ADGRL2: variants seen among roughly 807,000 people sequenced by gnomAD.
The protein encoded by ADGRL2 is adhesion G protein-coupled receptor L2.
Under a neutral mutation model 157.4 loss-of-function variants are expected in ADGRL2, and 44 were observed. The observed-to-expected ratio is 0.28, with a 90% CI of 0.22 to 0.36. The LOEUF (loss-of-function observed/expected upper bound fraction) is 0.36. Ranked by LOEUF, ADGRL2 falls within the 10% of genes least tolerant of loss-of-function variation. The pLI is 1.00. For missense variants in ADGRL2, 1,510 were observed against 1,768.9 expected, an observed-to-expected ratio of 0.85 and a Z score of 2.63; for synonymous variants, 585 against 624.7, an observed-to-expected ratio of 0.94 and a Z score of 0.95.
chr1:81,678,638 A>T (rs1570809108), intron 3 of ADGRL2, among the ~76,000 whole-genome samples: 1 of 152,344 alleles, frequency 6.6e-6, no homozygotes, highest in South Asian at 2.1e-4. Context: ...GAATGTATAT[A>T]ACAGCAAAGT....
chr1:81,601,261 G>T (rs2081328313), intron 3 of ADGRL2, among the ~76,000 whole-genome samples: 1 of 152,188 alleles, frequency 6.6e-6, no homozygotes, highest in Non-Finnish European at 1.5e-5. Context: ...GTTATAATGT[G>T]AGAATATTAA....
intron 1 of ADGRL2, among the ~76,000 whole-genome samples, chr1:81,706,617 G>A (rs572267440): frequency 1.1e-4 from 17 of 152,108 alleles, no homozygotes; most frequent in Non-Finnish European, 1.6e-4. Flanking sequence ...AGAGAGAACA[G>A]GTGAGAAAAG....
intron 1 of ADGRL2, among the ~76,000 whole-genome samples, chr1:81,367,088 G>C (rs1407623686): frequency 2.0e-5 from 3 of 152,170 alleles, no homozygotes; most frequent in Non-Finnish European, 2.9e-5. Flanking sequence ...TCACACAAAT[G>C]TAAAATATCC....
At chr1:81,801,994 C>A (rs1210488443) in intron 1 of ADGRL2, among the ~76,000 whole-genome samples, 1 of 150,444 alleles carries the variant, frequency 6.6e-6, no homozygotes, top group Admixed American at 6.6e-5. Context: ...AGGAGCCGCC[C>A]GGCGCTGGCT....
upstream of ADGRL2, among the ~76,000 whole-genome samples, chr1:81,695,549 G>A (rs898306458): frequency 1.3e-5 from 2 of 152,136 alleles, no homozygotes; most frequent in Non-Finnish European, 2.9e-5. Context: ...GCTGGGTATG[G>A]TGGCTCATGC....
chr1:81,349,901 C>G (rs926953374), intron 1 of ADGRL2, among the ~76,000 whole-genome samples: 1 of 151,964 alleles, frequency 6.6e-6, no homozygotes, highest in Non-Finnish European at 1.5e-5. Context: ...TTCTACAAAC[C>G]TGCTTTAGAC....
intron 3 of ADGRL2, among the ~76,000 whole-genome samples, chr1:81,666,580 A>G (rs2082754678): frequency 6.6e-6 from 1 of 152,178 alleles, no homozygotes; most frequent in Admixed American, 6.5e-5. Context: ...CAACTATTAA[A>G]GAATTTCTCT....
chr1:81,552,390 T>C (rs1441670778), intron 2 of ADGRL2, among the ~76,000 whole-genome samples: 1 of 152,106 alleles, frequency 6.6e-6, no homozygotes, highest in Non-Finnish European at 1.5e-5. Flanking sequence ...ATGACCTCTC[T>C]TTCTTGCTCT....
At chr1:81,743,393 G>T (rs2085136316) in intron 1 of ADGRL2, among the ~76,000 whole-genome samples, 4 of 136,846 alleles carry the variant, frequency 2.9e-5, no homozygotes, top group African/African-American at 5.3e-5. Context: ...ATAACAGAAG[G>T]TTTTTTTTTT....
Position 81,714,856 on chromosome 1 carries a change from T to G in ADGRL2, c.-143+15048T>G, listed in dbSNP as rs143209467. On this transcript the variant is annotated intron_variant, in intron 1 of 20. Coordinates refer to the ADGRL2 transcript ENST00000359929. ...TACAGGTTTGGGCATGTTTTGTTTT[T>G]TTTTTTCCTTTTCTTTTGTAGTTGC... Among the ~76,000 whole-genome samples the G allele has an allele frequency of 4.3e-3, 660 of 152,044 alleles. 5 individuals are homozygous for G. The highest frequency in any genetic ancestry group is 0.015 in the African/African-American group (624 of 41,526).
intron 6 of ADGRL2, among the ~76,000 whole-genome samples, chr1:81,948,181 C>A (rs1298775440): frequency 1.3e-5 from 2 of 148,614 alleles, no homozygotes; most frequent in Admixed American, 6.8e-5. Context: ...CACACCACTG[C>A]ACTCCAGCCT....
At chr1:81,789,568 A>T (rs2149410770) in intron 2 of ADGRL2, among the ~76,000 whole-genome samples, 1 of 152,116 alleles carries the variant, frequency 6.6e-6, no homozygotes, top group Admixed American at 6.5e-5. Context: ...TCTATTAAAT[A>T]CACAAAAATT....
chr1:81,700,348 C>T (rs952293688), intron 1 of ADGRL2, among the ~76,000 whole-genome samples: 3 of 152,126 alleles, frequency 2.0e-5, no homozygotes, highest in African/African-American at 4.8e-5. Flanking sequence ...TAATAGTCTC[C>T]GTTTCAAGTC....
At chr1:81,811,351 C>A (rs957623524) in intron 1 of ADGRL2, among the ~76,000 whole-genome samples, 1 of 151,770 alleles carries the variant, frequency 6.6e-6, no homozygotes, top group South Asian at 2.1e-4. Context: ...GTAAGTCAAA[C>A]TGGCTTTGCC....
intron 2 of ADGRL2, among the ~76,000 whole-genome samples, chr1:81,903,288 T>C (rs1327898560): frequency 2.0e-5 from 3 of 152,206 alleles, no homozygotes; most frequent in African/African-American, 4.8e-5. Context: ...TTCACTACTA[T>C]TCATGTAGTT....
chr1:81,576,395 A>G (rs1316100283), intron 2 of ADGRL2, among the ~76,000 whole-genome samples: 1 of 152,070 alleles, frequency 6.6e-6, no homozygotes, highest in African/African-American at 2.4e-5. Flanking sequence ...TAGTTCCTAC[A>G]TCATAGCTTT....
chr1:81,928,207 T>A (rs1316047883), intron 3 of ADGRL2, among the ~76,000 whole-genome samples: 1 of 152,122 alleles, frequency 6.6e-6, no homozygotes, highest in East Asian at 1.9e-4. Context: ...TATGGAGAAG[T>A]GATTAGTAGC....
At chr1:81,766,918 C>A (rs1046525690) in intron 2 of ADGRL2, among the ~76,000 whole-genome samples, 21 of 149,014 alleles carry the variant, frequency 1.4e-4, no homozygotes, top group Non-Finnish European at 1.8e-4. Context: ...TTAAGAAAAA[C>A]ACATTATAAT....
At chr1:81,353,695 T>A (rs937630949) in intron 1 of ADGRL2, among the ~76,000 whole-genome samples, 2 of 152,176 alleles carry the variant, frequency 1.3e-5, no homozygotes, top group Non-Finnish European at 2.9e-5. Flanking sequence ...TGAAGAGCAA[T>A]GTCTTCAAAA....
Sources: allele counts gnomAD v4.1 joint callset (sites outside exome capture counted in the v4.1 genomes callset), GRCh38; gene constraint gnomAD v4.1.1; transcripts MANE v1.5; gene names NCBI Gene and HGNC (gene_info 2026-07-23, HGNC 2026-07-21).